Variants in LDB3 observed in about 807,000 individuals in gnomAD.
The protein encoded by LDB3 is LIM domain-binding protein 3.
Under a neutral mutation model 69.0 loss-of-function variants are expected in LDB3, and 49 were observed. That is an observed-to-expected ratio of 0.71 (90% CI 0.56 to 0.90). The LOEUF (loss-of-function observed/expected upper bound fraction) is 0.90, where lower values mean the gene tolerates loss of function less well. LDB3 is among the 40% of genes least tolerant of loss of function. LDB3 has a pLI of 0.00. For synonymous variants in LDB3, 387 were observed against 396.2 expected, an observed-to-expected ratio of 0.98 and a Z score of 0.28; for missense variants, 928 against 974.1, an observed-to-expected ratio of 0.95 and a Z score of 0.63.
At chr10:86,706,201 G>A (rs975684426) in intron 7 of LDB3, among the ~76,000 whole-genome samples, 1 of 148,840 alleles carries the variant, frequency 6.7e-6, no homozygotes, top group African/African-American at 2.5e-5. Flanking sequence ...TAATTCCATC[G>A]GCCTTTCTAC....
intron 7 of LDB3, among the ~76,000 whole-genome samples, chr10:86,700,720 C>G (rs950525805): frequency 1.6e-4 from 25 of 152,220 alleles, no homozygotes; most frequent in African/African-American, 6.0e-4. Context: ...AAGATCCCAG[C>G]CAGGCCTCAG....
intron 12 of LDB3, among the ~76,000 whole-genome samples, chr10:86,720,380 G>T (rs1300038946): frequency 1.3e-5 from 2 of 151,812 alleles, no homozygotes; most frequent in East Asian, 3.9e-4. Context: ...GGAGGCAGAG[G>T]TTGCAGTGAG....
intron 2 of LDB3, among the ~76,000 whole-genome samples, chr10:86,675,526 C>G (rs1349445711): frequency 1.3e-5 from 2 of 152,266 alleles, no homozygotes; most frequent in Non-Finnish European, 2.9e-5. Flanking sequence ...GGGGACGACC[C>G]CTTCTCTGTA....
At position 86,732,934 on chromosome 10, in the gene LDB3, C is replaced by A. The variant is rs1054918785; in HGVS notation, c.2142C>A (p.Asp714Glu). The A allele has an allele frequency of 1.2e-6, 2 of 1,613,874 alleles. No individual in the cohort carries two copies. The highest frequency in any genetic ancestry group is 2.7e-5 in the African/African-American group (2 of 74,940). The change falls in exon 14 of 14, where the codon GAC (aspartate) becomes GAA (glutamate). Residue 714 changes from aspartate (D) to glutamate (E), a missense_variant. Physicochemically the swap from Asp to Glu is conservative, Grantham distance 45. Transcript: ENST00000361373. ...LEGQPFYSKK[D>E]RPLCKKHAHT... ...GGCAGCCGTTCTACTCCAAGAAGGA[C>A]AGACCCCTGTGCAAGAAGCACGCAC...
chr10:86,681,288 C>G, intron 4 of LDB3, 148 bp from the exon 5 acceptor site: 1 of 1,192,880 alleles, frequency 8.4e-7, no homozygotes, highest in Non-Finnish European at 1.2e-6. Flanking sequence ...AGTGTCCTCC[C>G]CTCCAAGTGC....
At chr10:86,714,558 T>C (rs953569677) in intron 9 of LDB3, among the ~76,000 whole-genome samples, 12 of 149,334 alleles carry the variant, frequency 8.0e-5, no homozygotes, top group Non-Finnish European at 1.2e-4. Flanking sequence ...ATTATCTTTT[T>C]TTTTTTTTTT....
At chr10:86,712,305 G>GA (rs1203725190) in intron 9 of LDB3, among the ~76,000 whole-genome samples, 5 of 152,248 alleles carry the variant, frequency 3.3e-5, no homozygotes, top group Non-Finnish European at 7.3e-5. Flanking sequence ...GTGGATCCGG[G>GA]AGTCTGTAAG....
chr10:86,704,526 C>CA lies in LDB3; in HGVS notation c.897-2004dup, dbSNP rs530807907. Among the ~76,000 whole-genome samples the CA allele has an allele frequency of 4.9e-3, 739 of 151,192 alleles. 2 individuals carry two copies. The highest frequency in any genetic ancestry group is 0.017 in the African/African-American group (696 of 41,022). Reference sequence around the variant, plus strand: ...CCTCTGCCTCCCGGGTTCAAGGGTTCAGCCCCCCGAGTAGCTGGGATTACA... The same window carrying CA: ...CCTCTGCCTCCCGGGTTCAAGGGTTCAAGCCCCCCGAGTAGCTGGGATTACA... On this transcript the variant is annotated intron_variant, in intron 7 of 13. Coordinates refer to ENST00000361373, the MANE Select transcript of LDB3 (RefSeq NM_007078.3).
intron 9 of LDB3, among the ~76,000 whole-genome samples, chr10:86,716,108 G>A (rs1017124745): frequency 6.6e-6 from 1 of 151,978 alleles, no homozygotes; most frequent in African/African-American, 2.4e-5. Flanking sequence ...CAGCCCTGTC[G>A]AGGGTTCTGC....
chr10:86,696,126 C>CG lies in LDB3; in HGVS notation c.896+3555_896+3556insG, dbSNP rs554468560. ...CCATTAAGCTTCTTCCAATAAGATG[C>CG]CAGGGCTCACTGGCTCCCCCTCTTC... On this transcript the variant is annotated intron_variant, in intron 7 of 13. Transcript: ENST00000361373. Among the ~76,000 whole-genome samples, 13 of 152,280 alleles carry CG rather than the reference C, an allele frequency of 8.5e-5. No individual in the cohort carries two copies. The East Asian group carries it at 2.5e-3, about 29-fold the overall frequency.
Position 86,695,289 on chromosome 10 carries a change from C to T in LDB3, c.896+2718C>T, listed in dbSNP as rs556740247. On this transcript the variant is annotated intron_variant, in intron 7 of 13. Transcript: ENST00000361373. ...AAGACTTTGCAAACTTTCCCTTCAC[C>T]TCCATCACTGCTCTGCCTCCAAGGT... Among the ~76,000 whole-genome samples the T allele has an allele frequency of 2.0e-5, 3 of 152,330 alleles. No individual in the cohort carries two copies. In the South Asian group the frequency reaches 6.2e-4, roughly 32 times the overall value.
At chr10:86,697,493 T>C (rs1459158927) in intron 7 of LDB3, among the ~76,000 whole-genome samples, 1 of 151,520 alleles carries the variant, frequency 6.6e-6, no homozygotes, top group Non-Finnish European at 1.5e-5. Context: ...AGTCCTGGGA[T>C]TACAGGCGTG....
At chr10:86,668,868 C>T (rs925436964) in intron 2 of LDB3, 84 bp downstream of exon 2, 4 of 1,040,556 alleles carry the variant, frequency 3.8e-6, no homozygotes, top group Non-Finnish European at 5.9e-6. Flanking sequence ...TCTGTCTGTC[C>T]TTTCTGAGCC....
intron 6 of LDB3, among the ~76,000 whole-genome samples, 195 bp from the exon 7 acceptor site, chr10:86,692,340 A>T (rs1487804029): frequency 6.6e-6 from 1 of 152,208 alleles, no homozygotes; most frequent in Non-Finnish European, 1.5e-5. Flanking sequence ...GGCTGGGATG[A>T]GGCCCTCTCA....
intron 5 of LDB3, among the ~76,000 whole-genome samples, chr10:86,683,073 C>T (rs1351122243): frequency 1.3e-5 from 2 of 152,226 alleles, no homozygotes; most frequent in Non-Finnish European, 2.9e-5. Flanking sequence ...CCAGAAAACT[C>T]AGGGAATAGT....
At chr10:86,683,517 C>T (rs998320844) in intron 5 of LDB3, among the ~76,000 whole-genome samples, 5 of 152,240 alleles carry the variant, frequency 3.3e-5, no homozygotes, top group African/African-American at 1.2e-4. Flanking sequence ...ACCTCTGCTT[C>T]CCATAGTGCC....
At chr10:86,692,733 G>A (rs895222414) in intron 7 of LDB3, among the ~76,000 whole-genome samples, 162 bp downstream of exon 7, 3 of 152,358 alleles carry the variant, frequency 2.0e-5, no homozygotes, top group East Asian at 3.9e-4. Context: ...AGGCAGCATC[G>A]TGAGTCAGTG....
upstream of LDB3, among the ~76,000 whole-genome samples, chr10:86,667,327 A>G (rs1844221538): frequency 6.6e-6 from 1 of 152,062 alleles, no homozygotes; most frequent in Admixed American, 6.5e-5. Flanking sequence ...GCCAGCAAGC[A>G]GCCAACCCAG....
chr10:86,705,571 T>A (rs1846410773), intron 7 of LDB3, among the ~76,000 whole-genome samples: 1 of 152,242 alleles, frequency 6.6e-6, no homozygotes, highest in Non-Finnish European at 1.5e-5. Flanking sequence ...GAAGAGGTGC[T>A]TACAGAATGC....
Sources: allele counts gnomAD v4.1 joint callset (sites outside exome capture counted in the v4.1 genomes callset), GRCh38; gene constraint gnomAD v4.1.1; transcripts MANE v1.5; gene names NCBI Gene and HGNC (gene_info 2026-07-23, HGNC 2026-07-21).